TFF1: variants seen among roughly 807,000 people sequenced by gnomAD.
TFF1 encodes the protein trefoil factor 1.
In TFF1, 8 loss-of-function variants were observed where a neutral mutation model predicts 7.7. The observed-to-expected ratio is 1.04, with a 90% CI of 0.61 to 1.87. The LOEUF (loss-of-function observed/expected upper bound fraction) is 1.87, where lower values mean the gene tolerates loss of function less well. Among genes scored for constraint, TFF1 ranks in the 40% most tolerant of loss-of-function variants. TFF1 has a pLI of 0.00. For missense variants in TFF1, 120 were observed against 113.4 expected (o/e 1.06, Z -0.26); for synonymous variants, 47 against 44.8 (o/e 1.05, Z -0.19).
chr21:42,365,903 C>A (rs766356518), intron 1 of TFF1, among the ~76,000 whole-genome samples: 1 of 152,150 alleles, frequency 6.6e-6, no homozygotes, highest in Non-Finnish European at 1.5e-5. Flanking sequence ...GAGCATGGAT[C>A]CCAGGGGAGC....
At chr21:42,365,583 C>A (rs922156259) in intron 1 of TFF1, among the ~76,000 whole-genome samples, 5 of 152,126 alleles carry the variant, frequency 3.3e-5, no homozygotes, top group Non-Finnish European at 7.4e-5. Flanking sequence ...GCTTTGGAAA[C>A]GTAGAAAGCC....
rs2052243703 is a variant in TFF1, at chr21:42,362,335, G to GCAGT, written c.*140_*143dup. On this transcript the variant is annotated 3_prime_UTR_variant, in exon 3 of 3. Transcript: ENST00000291527. Reference sequence around the variant, plus strand: ...CCAATTTTGAGTAGTCAAAGTCAGAGCAGTCAATCTGTGTTGTGAGCCGAG... The same window carrying GCAGT: ...CCAATTTTGAGTAGTCAAAGTCAGAGCAGTCAGTCAATCTGTGTTGTGAGCCGAG... 1.2e-6 allele frequency: 1 copy of GCAGT among 852,056 alleles called. No individual in the cohort carries two copies. The highest frequency in any genetic ancestry group is 1.8e-6 in the Non-Finnish European group (1 of 551,952). 52.8% of individuals were successfully genotyped at this position (852,056 alleles called of 1,614,324 possible).
chr21:42,365,328 G>T (rs2052271016), intron 1 of TFF1, among the ~76,000 whole-genome samples: 1 of 152,064 alleles, frequency 6.6e-6, no homozygotes, highest in Non-Finnish European at 1.5e-5. Context: ...CCAGCACGGG[G>T]ACCCACCCAG....
Position 42,363,195 on chromosome 21 carries a change from T to C in TFF1, c.238+60A>G. ...GATGCTGATCAGAGCCTCTGTAGTCTTAAATGACTTTTCTAACTAATTCTA... is the reference window on the plus strand; with the variant it reads ...GATGCTGATCAGAGCCTCTGTAGTCCTAAATGACTTTTCTAACTAATTCTA... On this transcript the variant is annotated intron_variant, in intron 2 of 2. Transcript: ENST00000291527. The C allele has an allele frequency of 2.5e-6, 4 of 1,609,596 alleles. No individual in the cohort carries two copies. In the Admixed American group the frequency reaches 6.7e-5, roughly 27 times the overall value.
At chr21:42,365,927 G>A (rs2052275793) in intron 1 of TFF1, among the ~76,000 whole-genome samples, 1 of 152,192 alleles carries the variant, frequency 6.6e-6, no homozygotes, top group South Asian at 2.1e-4. Flanking sequence ...GGAACCTGTA[G>A]GAGAGGGTCT....
chr21:42,366,430 G>T lies in TFF1; in HGVS notation c.66C>A (p.Thr22=), dbSNP rs1314135026. 6.2e-7 allele frequency: 1 copy of T among 1,611,596 alleles called. No individual in the cohort carries two copies. Among genetic ancestry groups the T allele is most frequent in the East Asian group, 2.2e-5 (1 of 44,824 alleles). ...LVLVSMLALG[T]LAEAQTETCT... ...CCTTACCTGTCTGGGCCTCGGCCAGGGTGCCGAGGGCCAGCATGGACACCA... is the reference window on the plus strand; with the variant it reads ...CCTTACCTGTCTGGGCCTCGGCCAGTGTGCCGAGGGCCAGCATGGACACCA... Residue 22 remains threonine, a synonymous_variant, in exon 1 of 3, where the codon ACC becomes ACA. Transcript: ENST00000291527.
intron 2 of TFF1, 99 bp from the exon 3 acceptor site, chr21:42,362,594 A>T (rs1285782472): frequency 1.5e-6 from 2 of 1,367,494 alleles, no homozygotes. Context: ...TAAAGTATCC[A>T]TAGGCACATT....
At chr21:42,365,106 G>A (rs576028474) in intron 1 of TFF1, among the ~76,000 whole-genome samples, 1 of 152,140 alleles carries the variant, frequency 6.6e-6, no homozygotes, top group African/African-American at 2.4e-5. Context: ...TTCCACACAC[G>A]AATGCACTAA....
At chr21:42,365,353 C>A (rs929279696) in intron 1 of TFF1, among the ~76,000 whole-genome samples, 1 of 152,096 alleles carries the variant, frequency 6.6e-6, no homozygotes, top group Non-Finnish European at 1.5e-5. Flanking sequence ...TTCTGTACAC[C>A]GAGGCCACTT....
intron 1 of TFF1, 136 bp downstream of exon 1, chr21:42,366,275 G>T: frequency 1.7e-6 from 1 of 596,420 alleles, no homozygotes; most frequent in Non-Finnish European, 2.8e-6. Context: ...CCTGTAAATT[G>T]GATATACTTT....
At chr21:42,365,492 G>T (rs1310231098) in intron 1 of TFF1, among the ~76,000 whole-genome samples, 1 of 152,146 alleles carries the variant, frequency 6.6e-6, no homozygotes, top group Non-Finnish European at 1.5e-5. Context: ...CCACAGCAGA[G>T]ATCAAGAGGT....
rs747239479 is a variant in TFF1 at position 42,366,518 on chromosome 21, C to T, written c.-23G>A. ...CATTGCCTCCTCTCTGCTCCAAAGG[C>T]GACCCCGAGTCAGGGATGAGAGGCC... On this transcript the variant is annotated 5_prime_UTR_variant, in exon 1 of 3. Coordinates refer to ENST00000291527, the MANE Select transcript of TFF1 (RefSeq NM_003225.3). The T allele has an allele frequency of 1.7e-5, 27 of 1,596,832 alleles. No homozygotes were observed. The highest frequency in any genetic ancestry group is 1.3e-4 in the African/African-American group (10 of 74,496).
intron 2 of TFF1, 150 bp from the exon 3 acceptor site, chr21:42,362,645 C>A (rs960437248): frequency 5.7e-5 from 53 of 937,172 alleles, no homozygotes; most frequent in Admixed American, 1.3e-4. Context: ...CGGTGGCTCA[C>A]GCCTGTAATC....
In TFF1 at chr21:42,362,392, G is replaced by A. The variant is rs922892023; in HGVS notation, c.*87C>T. ...CTGCAGAAGCGTGTCTGAGGTGTCCGGTGGAGGTGGCAGCCGAGCTCTGGG... is the reference window on the plus strand; with the variant it reads ...CTGCAGAAGCGTGTCTGAGGTGTCCAGTGGAGGTGGCAGCCGAGCTCTGGG... On this transcript the variant is annotated 3_prime_UTR_variant, in exon 3 of 3. Coordinates refer to ENST00000291527, the MANE Select transcript of TFF1 (RefSeq NM_003225.3). 77 of 1,468,546 alleles carry A rather than the reference G, an allele frequency of 5.2e-5. No individual in the cohort carries two copies. The highest frequency in any genetic ancestry group is 6.5e-5 in the Non-Finnish European group (70 of 1,079,402). 91.0% of individuals were successfully genotyped at this position (1,468,546 alleles called of 1,614,324 possible). A position where few individuals can be genotyped will look rare whatever the true frequency, so the allele number is the denominator to read the frequency against.
intron 1 of TFF1, among the ~76,000 whole-genome samples, chr21:42,364,116 A>C (rs2052260637): frequency 6.6e-6 from 1 of 151,990 alleles, no homozygotes; most frequent in Non-Finnish European, 1.5e-5. Flanking sequence ...CAAAAAAAAA[A>C]AAAAAAGAGT....
At chr21:42,365,270 G>A (rs541240482) in intron 1 of TFF1, among the ~76,000 whole-genome samples, 3 of 152,058 alleles carry the variant, frequency 2.0e-5, no homozygotes, top group African/African-American at 7.2e-5. Flanking sequence ...GGGCAGAGCT[G>A]GGGGCTGGGG....
In TFF1 at chr21:42,366,424, GGCC is replaced by G. The variant is rs1568869413; in HGVS notation, c.69_71del (p.Ala24del). 6.2e-7 allele frequency: 1 copy of G among 1,611,510 alleles called. No homozygotes were observed. Among genetic ancestry groups the G allele is most frequent in the South Asian group, 1.1e-5 (1 of 90,924 alleles). ...AGCACGCCTTACCTGTCTGGGCCTC[GGCC>G]AGGGTGCCGAGGGCCAGCATGGACA... On this transcript the variant is annotated inframe_deletion, in exon 1 of 3. Coordinates refer to ENST00000291527, the MANE Select transcript of TFF1 (RefSeq NM_003225.3).
At chr21:42,363,189 G>A in intron 2 of TFF1, 66 bp downstream of exon 2, 2 of 1,602,126 alleles carry the variant, frequency 1.2e-6, no homozygotes, top group Non-Finnish European at 1.7e-6. Context: ...CAGAGCCTCT[G>A]TAGTCTTAAA....
chr21:42,363,396 C>G lies in TFF1; in HGVS notation c.97G>C (p.Val33Leu). The part of the protein sequence containing the change: ...LAEAQTETCT[V>L]APRERQNCGF... Reference sequence around the variant, plus strand: ...CAATTCTGTCTTTCACGGGGGGCCACTGTACACGTCTCTGAAAGTGCACAG... The same window carrying G: ...CAATTCTGTCTTTCACGGGGGGCCAGTGTACACGTCTCTGAAAGTGCACAG... Residue 33 changes from valine to leucine, a missense_variant, in exon 2 of 3, where the codon GTG (valine) becomes CTG (leucine). Coordinates refer to ENST00000291527, the MANE Select transcript of TFF1 (RefSeq NM_003225.3). 1 of 1,613,888 alleles carries G rather than the reference C, an allele frequency of 6.2e-7. No individual in the cohort carries two copies. Among genetic ancestry groups the G allele is most frequent in the Non-Finnish European group, 8.5e-7 (1 of 1,179,934 alleles).
Sources: gnomAD v4.1 joint callset for allele counts (sites outside exome capture counted in the v4.1 genomes callset) on GRCh38, gnomAD v4.1.1 for gene constraint, MANE v1.5 for transcripts, NCBI Gene and HGNC (gene_info 2026-07-23, HGNC 2026-07-21) for gene names.